The following P2RX7 variants were observed in gnomAD, a reference collection of about 807,000 sequenced individuals.
The protein encoded by P2RX7 is P2X purinoceptor 7.
P2RX7 carries 62 observed loss-of-function variants against 71.6 expected under a neutral mutation model. That is an observed-to-expected ratio of 0.87 (90% CI 0.71 to 1.07). P2RX7 has a LOEUF of 1.07. Ranked by LOEUF, P2RX7 falls within the 50% of genes least tolerant of loss-of-function variation. The probability of loss-of-function intolerance (pLI) is 0.00; values close to 1 mark genes in which losing one functional copy is unlikely to be tolerated. For missense variants in P2RX7, 686 were observed against 748.5 expected (o/e 0.92, Z 0.97); for synonymous variants, 299 against 283.3 (o/e 1.06, Z -0.56).
intron 7 of P2RX7, among the ~76,000 whole-genome samples, chr12:121,166,392 T>C (rs1279323532): frequency 6.6e-6 from 1 of 152,196 alleles, no homozygotes; most frequent in Non-Finnish European, 1.5e-5. Flanking sequence ...AGCTACTTGG[T>C]GTATTCCTTT....
chr12:121,138,053 A>G (rs1418456227), intron 1 of P2RX7, among the ~76,000 whole-genome samples: 1 of 152,240 alleles, frequency 6.6e-6, no homozygotes, highest in African/African-American at 2.4e-5. Flanking sequence ...AGGTCTGTGT[A>G]GATAGGATGC....
chr12:121,160,975 G>C lies in P2RX7; in HGVS notation c.436+1G>C. ...GGATGGATGGACCCGCAGAGCAAAG[G>C]TACCTTCTGTTTCTTTTCCCGAGAC... On this transcript the variant is annotated splice_donor_variant, in intron 4 of 12. Transcript: ENST00000328963. LOFTEE classifies it high-confidence loss of function. The C allele has an allele frequency of 6.2e-7, 1 of 1,612,264 alleles. No homozygotes were observed. Among genetic ancestry groups the C allele is most frequent in the Non-Finnish European group, 8.5e-7 (1 of 1,178,322 alleles).
At chr12:121,157,156 G>T (rs1366207019) in intron 3 of P2RX7, among the ~76,000 whole-genome samples, 1 of 152,164 alleles carries the variant, frequency 6.6e-6, no homozygotes, top group Admixed American at 6.5e-5. Flanking sequence ...TAACGTAACT[G>T]TGCTGTACCA....
At chr12:121,139,699 C>G (rs1874415895) in intron 1 of P2RX7, among the ~76,000 whole-genome samples, 1 of 151,462 alleles carries the variant, frequency 6.6e-6, no homozygotes, top group African/African-American at 2.4e-5. Flanking sequence ...AAATCCAAAT[C>G]CAACCCAAGC....
At chr12:121,169,518 T>C (rs1468551030) in intron 8 of P2RX7, among the ~76,000 whole-genome samples, 1 of 152,206 alleles carries the variant, frequency 6.6e-6, no homozygotes, top group Non-Finnish European at 1.5e-5. Flanking sequence ...GTATTCCTTA[T>C]ATATTACTCA....
chr12:121,155,759 C>T (rs955955825), intron 2 of P2RX7, among the ~76,000 whole-genome samples: 5 of 151,870 alleles, frequency 3.3e-5, no homozygotes, highest in Non-Finnish European at 7.4e-5. Context: ...CCCCAGGTCT[C>T]CTGAGTTTCA....
At chr12:121,163,350 A>ACACACACG (rs1320767081) in intron 5 of P2RX7, among the ~76,000 whole-genome samples, 4 of 127,360 alleles carry the variant, frequency 3.1e-5, no homozygotes, top group Non-Finnish European at 6.9e-5. Flanking sequence ...ACACACACAC[A>ACACACACG]CACACACGCA....
In P2RX7 at chr12:121,154,647, G is replaced by A; in HGVS notation, c.126-138G>A. The A allele has an allele frequency of 1.4e-6, 1 of 701,496 alleles. No individual in the cohort carries two copies. The highest frequency in any genetic ancestry group is 2.6e-6 in the Non-Finnish European group (1 of 386,164). The allele number at this position is 701,496 out of a possible 1,614,324, so 43.5% of individuals were successfully genotyped here. ...ATGACTATTCTTCCCATTATCCAGA[G>A]AGGGAAAACAAGTCACACGGAAGCA... is the stretch of plus-strand genomic sequence containing the variant. On this transcript the variant is annotated intron_variant, in intron 1 of 12. Coordinates refer to ENST00000328963, the MANE Select transcript of P2RX7 (RefSeq NM_002562.6). The surrounding 1 kb of genome is among the most constrained non-coding windows in gnomAD (Gnocchi z 4.2).
At chr12:121,165,811 C>A (rs936324572) in intron 6 of P2RX7, among the ~76,000 whole-genome samples, 4 of 152,186 alleles carry the variant, frequency 2.6e-5, no homozygotes, top group Non-Finnish European at 4.4e-5. Flanking sequence ...AGCAAGCAAC[C>A]AAGAGTATAA....
chr12:121,169,781 A>C (rs1361055186), intron 8 of P2RX7, among the ~76,000 whole-genome samples: 1 of 152,086 alleles, frequency 6.6e-6, no homozygotes, highest in Non-Finnish European at 1.5e-5. Context: ...GTGTGGGGGC[A>C]TGCACCTCTG....
chr12:121,140,269 G>T (rs1874575206), intron 1 of P2RX7, among the ~76,000 whole-genome samples: 1 of 152,230 alleles, frequency 6.6e-6, no homozygotes, highest in Admixed American at 6.5e-5. Context: ...AGAACCTGGG[G>T]AGAGAGGAGG....
At chr12:121,153,885 GT>G (rs1878013934) in intron 1 of P2RX7, among the ~76,000 whole-genome samples, 1 of 152,142 alleles carries the variant, frequency 6.6e-6, no homozygotes, top group Admixed American at 6.5e-5. Flanking sequence ...GGCTCAACAT[GT>G]TGGCAGGAGG....
chr12:121,165,519 C>A, intron 6 of P2RX7, 82 bp downstream of exon 6: 1 of 1,101,862 alleles, frequency 9.1e-7, no homozygotes, highest in Non-Finnish European at 1.4e-6. Flanking sequence ...CCTGAAACAA[C>A]AAACGCCTAT....
At chr12:121,144,733 TG>T (rs1397418912) in intron 1 of P2RX7, among the ~76,000 whole-genome samples, 1 of 152,056 alleles carries the variant, frequency 6.6e-6, no homozygotes, top group African/African-American at 2.4e-5. Context: ...CGACCTGGAC[TG>T]GGGAGGTGAT....
chr12:121,137,967 GCTT>G (rs1874052314), intron 1 of P2RX7, among the ~76,000 whole-genome samples: 1 of 152,226 alleles, frequency 6.6e-6, no homozygotes, highest in Non-Finnish European at 1.5e-5. Flanking sequence ...AGGCTGTTCA[GCTT>G]CTTCTATTCT....
chr12:121,135,065 G>A (rs1873255281), intron 1 of P2RX7, among the ~76,000 whole-genome samples: 1 of 152,150 alleles, frequency 6.6e-6, no homozygotes. Context: ...TTAAGTCTGG[G>A]AGTGGTGGCT....
chr12:121,153,151 C>T (rs1461798490), intron 1 of P2RX7, among the ~76,000 whole-genome samples: 2 of 152,176 alleles, frequency 1.3e-5, no homozygotes, highest in South Asian at 2.1e-4. Flanking sequence ...TCCCCCGACC[C>T]GTGGAATCCT....
intron 12 of P2RX7, among the ~76,000 whole-genome samples, chr12:121,181,136 AT>A (rs1884080332): frequency 1.3e-5 from 2 of 152,290 alleles, no homozygotes; most frequent in Non-Finnish European, 2.9e-5. Flanking sequence ...TTTGGCTAGA[AT>A]TTTCTAAAAA....
intron 1 of P2RX7, among the ~76,000 whole-genome samples, chr12:121,136,333 T>G (rs1221834596): frequency 6.6e-6 from 1 of 151,844 alleles, no homozygotes; most frequent in Non-Finnish European, 1.5e-5. Context: ...TATTTCTTTT[T>G]TAGAGACAGG....
Sources: gnomAD v4.1 joint callset for allele counts (sites outside exome capture counted in the v4.1 genomes callset) on GRCh38, gnomAD v4.1.1 for gene constraint, Gnocchi (gnomAD v3.1) non-coding constraint, MANE v1.5 for transcripts, NCBI Gene and HGNC (gene_info 2026-07-23, HGNC 2026-07-21) for gene names.